BMPR1B: variants seen among roughly 807,000 people sequenced by gnomAD.
BMPR1B encodes the protein bone morphogenetic protein receptor type-1B.
A neutral mutation model predicts 59.1 loss-of-function variants in BMPR1B; 12 were observed. The ratio of observed to expected loss-of-function variants is 0.20; its 90% CI spans 0.13 to 0.33. The LOEUF is 0.33. Ranked by LOEUF, BMPR1B falls within the 10% of genes least tolerant of loss-of-function variation. The pLI is 1.00. For synonymous variants in BMPR1B, 237 were observed against 207.3 expected (o/e 1.14, Z -1.23); for missense variants, 550 against 610.9 (o/e 0.90, Z 1.05).
intron 3 of BMPR1B, among the ~76,000 whole-genome samples, chr4:95,050,673 G>C (rs940611927): frequency 1.3e-5 from 2 of 152,094 alleles, no homozygotes; most frequent in African/African-American, 4.8e-5. Flanking sequence ...TGATATCTTA[G>C]ATATAAACAT....
intron 2 of BMPR1B, among the ~76,000 whole-genome samples, chr4:94,979,469 G>T (rs1200359253): frequency 6.6e-6 from 1 of 152,208 alleles, no homozygotes; most frequent in Non-Finnish European, 1.5e-5. Flanking sequence ...AATTATGACT[G>T]TGGGTGGTGC....
chr4:94,992,619 C>T (rs1721822968), intron 2 of BMPR1B, among the ~76,000 whole-genome samples: 1 of 152,188 alleles, frequency 6.6e-6, no homozygotes, highest in South Asian at 2.1e-4. Context: ...AATAATACTT[C>T]TACTCCCTCT....
At chr4:94,929,586 C>T (rs1178871056) in intron 2 of BMPR1B, among the ~76,000 whole-genome samples, 1 of 152,042 alleles carries the variant, frequency 6.6e-6, no homozygotes, top group Admixed American at 6.6e-5. Flanking sequence ...GCTTTGGTTC[C>T]TTTGCAAGTT....
rs938267264 is a variant in BMPR1B, at chr4:95,156,504, A to G, written c.*1831A>G. On this transcript the variant is annotated 3_prime_UTR_variant, in exon 13 of 13. Transcript: ENST00000515059. ...CAGCTGGTAACTTGTTCATCCAGAA[A>G]ACATTCTAAAGCAATGAGACTTTGT... The G allele has an allele frequency of 3.9e-5, 6 of 152,182 alleles. No individual in the cohort carries two copies. The highest frequency in any genetic ancestry group is 6.5e-5 in the Admixed American group (1 of 15,284). The allele number at this position is 152,182 out of a possible 1,614,324, so 9.4% of individuals were successfully genotyped here.
chr4:95,095,647 T>C (rs1326105132), intron 3 of BMPR1B, among the ~76,000 whole-genome samples: 1 of 152,112 alleles, frequency 6.6e-6, no homozygotes, highest in Admixed American at 6.6e-5. Context: ...TAAAGGAAGA[T>C]AGATTATTAG....
chr4:94,948,172 G>A (rs7655484), intron 2 of BMPR1B, among the ~76,000 whole-genome samples: 84,410 of 151,968 alleles, frequency 0.56, 24,397 homozygotes, highest in African/African-American at 0.7. Flanking sequence ...ATTCACCATC[G>A]TGACAGGTAC....
intron 1 of BMPR1B, among the ~76,000 whole-genome samples, chr4:94,849,059 T>C (rs75983352): frequency 0.015 from 2,232 of 152,290 alleles, 59 homozygotes; most frequent in African/African-American, 0.05. Flanking sequence ...GTTTGAGTTT[T>C]GTTAGTATAT....
At chr4:94,863,423 A>G (rs1726081702) in intron 1 of BMPR1B, among the ~76,000 whole-genome samples, 1 of 152,210 alleles carries the variant, frequency 6.6e-6, no homozygotes, top group African/African-American at 2.4e-5. Context: ...AGTCGAGGGT[A>G]GTCACCACCA....
At chr4:95,018,503 G>A (rs1227690384) in intron 3 of BMPR1B, among the ~76,000 whole-genome samples, 1 of 152,072 alleles carries the variant, frequency 6.6e-6, no homozygotes, top group Non-Finnish European at 1.5e-5. Context: ...CAGTACTCTA[G>A]TTGTTTCCCT....
chr4:95,021,812 G>A (rs900784358), intron 3 of BMPR1B, among the ~76,000 whole-genome samples: 4 of 152,156 alleles, frequency 2.6e-5, no homozygotes, highest in African/African-American at 9.7e-5. Context: ...GAGATTGGCG[G>A]AAATAGTTAC....
chr4:95,126,544 C>T (rs1732918411), intron 8 of BMPR1B, among the ~76,000 whole-genome samples: 2 of 152,162 alleles, frequency 1.3e-5, no homozygotes, highest in African/African-American at 4.8e-5. Context: ...CTGTATTACA[C>T]ATCAGGGGAT....
At position 95,154,975 on chromosome 4, in the gene BMPR1B, T is replaced by A. The variant is rs77552018; in HGVS notation, c.*302T>A. The A allele has an allele frequency of 2.3e-5, 8 of 340,558 alleles. No homozygotes were observed. Among genetic ancestry groups the A allele is most frequent in the East Asian group, 6.3e-5 (1 of 15,760 alleles). 21.1% of individuals were successfully genotyped at this position (340,558 alleles called of 1,614,324 possible). A position where few individuals can be genotyped will look rare whatever the true frequency, so the allele number is the denominator to read the frequency against. On this transcript the variant is annotated 3_prime_UTR_variant, in exon 13 of 13. Coordinates refer to ENST00000515059, the MANE Select transcript of BMPR1B (RefSeq NM_001203.3). ...TTTTGTGATTGCCTTTTTTTTTTTT[T>A]AAGATGCTTTCATTTTGCCAAAATA...
intron 1 of BMPR1B, among the ~76,000 whole-genome samples, chr4:94,823,643 T>C (rs1724282552): frequency 6.6e-6 from 1 of 152,174 alleles, no homozygotes; most frequent in Non-Finnish European, 1.5e-5. Flanking sequence ...ACCATACATA[T>C]ATTTACCAGG....
At chr4:94,808,675 A>G (rs925553208) in intron 1 of BMPR1B, among the ~76,000 whole-genome samples, 1 of 152,202 alleles carries the variant, frequency 6.6e-6, no homozygotes, top group Non-Finnish European at 1.5e-5. Flanking sequence ...TATTTTTGTC[A>G]ACACTAGCTT....
chr4:95,065,960 T>A (rs1321717786), intron 3 of BMPR1B, among the ~76,000 whole-genome samples: 1 of 152,202 alleles, frequency 6.6e-6, no homozygotes, highest in Non-Finnish European at 1.5e-5. Flanking sequence ...TCAAATCAGA[T>A]TACTTTTCTT....
At chr4:94,793,599 T>G (rs1193005451) in intron 1 of BMPR1B, among the ~76,000 whole-genome samples, 16 of 148,638 alleles carry the variant, frequency 1.1e-4, no homozygotes, top group Admixed American at 8.7e-4. Context: ...CCACACTGAC[T>G]TCCACAATGG....
chr4:95,130,520 C>G (rs928569561), intron 9 of BMPR1B, among the ~76,000 whole-genome samples: 9 of 151,938 alleles, frequency 5.9e-5, no homozygotes, highest in African/African-American at 1.9e-4. Flanking sequence ...GGGGTATATT[C>G]CTTAATTCAA....
At chr4:94,887,922 A>G (rs955483904) in intron 2 of BMPR1B, among the ~76,000 whole-genome samples, 3 of 152,118 alleles carry the variant, frequency 2.0e-5, no homozygotes, top group African/African-American at 7.2e-5. Context: ...AATTAACCCC[A>G]AACAATAAAC....
chr4:94,798,437 A>G (rs993377832), intron 1 of BMPR1B, among the ~76,000 whole-genome samples: 4 of 152,334 alleles, frequency 2.6e-5, no homozygotes, highest in Middle Eastern at 6.8e-3. Context: ...TGTGGTGCTA[A>G]TGTATCCCTT....
Sources: allele counts gnomAD v4.1 joint callset (sites outside exome capture counted in the v4.1 genomes callset), GRCh38; gene constraint gnomAD v4.1.1; transcripts MANE v1.5; gene names NCBI Gene and HGNC (gene_info 2026-07-23, HGNC 2026-07-21).